PIEZO2: variants seen among roughly 807,000 people sequenced by gnomAD.
PIEZO2 encodes the protein piezo type mechanosensitive ion channel component 2, also known as piezo-type mechanosensitive ion channel component 2.
Under a neutral mutation model 337.3 loss-of-function variants are expected in PIEZO2, and 172 were observed. That is an observed-to-expected ratio of 0.51 (90% CI 0.45 to 0.58). PIEZO2 has a LOEUF of 0.58. Among genes scored for constraint, PIEZO2 ranks in the 20% least tolerant of loss-of-function variants. The probability of loss-of-function intolerance (pLI) is 0.00; values close to 1 mark genes in which losing one functional copy is unlikely to be tolerated. For synonymous variants in PIEZO2, 1,251 were observed against 1,228.5 expected, an observed-to-expected ratio of 1.02 and a Z score of -0.38; for missense variants, 3,028 against 3,391.3, an observed-to-expected ratio of 0.89 and a Z score of 2.66.
intron 7 of PIEZO2, among the ~76,000 whole-genome samples, chr18:10,817,951 A>T (rs2040412286): frequency 6.6e-6 from 1 of 151,932 alleles, no homozygotes; most frequent in Non-Finnish European, 1.5e-5. Context: ...AGGACTTTAC[A>T]ATGTTTCTAA....
chr18:10,686,309 T>G (rs2034543502), intron 49 of PIEZO2, among the ~76,000 whole-genome samples: 1 of 152,270 alleles, frequency 6.6e-6, no homozygotes, highest in South Asian at 2.1e-4. Context: ...CATATTTGGC[T>G]TCTTGAATTT....
chr18:11,117,875 C>T (rs1799172631), intron 1 of PIEZO2, among the ~76,000 whole-genome samples: 1 of 152,168 alleles, frequency 6.6e-6, no homozygotes, highest in Non-Finnish European at 1.5e-5. Context: ...GACATTCACA[C>T]TCAAATACAG....
chr18:10,940,166 G>T lies in PIEZO2; in HGVS notation c.287-28938C>A, dbSNP rs1182185476. Among the ~76,000 whole-genome samples the T allele has an allele frequency of 6.6e-6, 1 of 152,076 alleles. No homozygotes were observed. Among genetic ancestry groups the T allele is most frequent in the South Asian group, 2.1e-4 (1 of 4,826 alleles). On this transcript the variant is annotated intron_variant, in intron 3 of 55. Transcript: ENST00000674853. The surrounding 1 kb of genome is among the most constrained non-coding windows in gnomAD (Gnocchi z 5.3). ...CTTTGGCCATCTTTGATTAGCACAC[G>T]AATTTGTTATTTATTAAAATAAATG...
At chr18:11,135,722 A>G (rs1395606137) in intron 1 of PIEZO2, among the ~76,000 whole-genome samples, 1 of 152,086 alleles carries the variant, frequency 6.6e-6, no homozygotes, top group Non-Finnish European at 1.5e-5. Context: ...TAATTTTTGT[A>G]TTTTTAGTAG....
chr18:10,832,990 C>T (rs769237052), intron 7 of PIEZO2, among the ~76,000 whole-genome samples: 6 of 152,236 alleles, frequency 3.9e-5, no homozygotes, highest in Admixed American at 6.5e-5. Flanking sequence ...CCTCACACAG[C>T]TGCTCCCATG....
chr18:10,879,051 T>C (rs907348605), intron 4 of PIEZO2, among the ~76,000 whole-genome samples: 9 of 152,348 alleles, frequency 5.9e-5, no homozygotes, highest in Non-Finnish European at 1.2e-4. Flanking sequence ...ATGTGTTAGC[T>C]AAAGTCAAGA....
At chr18:10,693,495 G>A (rs1435493853) in intron 47 of PIEZO2, among the ~76,000 whole-genome samples, 11 of 151,496 alleles carry the variant, frequency 7.3e-5, no homozygotes, top group African/African-American at 2.4e-4. Context: ...TCAGCCTCCT[G>A]AGTAGCTGGG....
chr18:10,972,668 A>G (rs1316023006), intron 3 of PIEZO2, among the ~76,000 whole-genome samples: 2 of 152,210 alleles, frequency 1.3e-5, no homozygotes, highest in East Asian at 1.9e-4. Flanking sequence ...GAAAAAGACT[A>G]TCATAGAGAA....
At position 11,048,357 on chromosome 18, in the gene PIEZO2, C is replaced by A. The variant is rs574927488; in HGVS notation, c.160+17770G>T. ...ATGGCTCTGGGGCCAAGCGGACTGC[C>A]TGGCCCATTTCAGACACTCAGTAAT... On this transcript the variant is annotated intron_variant, in intron 2 of 55. Transcript: ENST00000674853. The surrounding 1 kb of genome is among the most constrained non-coding windows in gnomAD (Gnocchi z 4.5). Among the ~76,000 whole-genome samples the A allele has an allele frequency of 1.0e-3, 157 of 152,326 alleles. 6 individuals are homozygous for A. The South Asian group carries it at 0.032, about 31-fold the overall frequency.
chr18:10,754,322 C>G (rs1248197929), intron 27 of PIEZO2, among the ~76,000 whole-genome samples: 1 of 152,214 alleles, frequency 6.6e-6, no homozygotes, highest in Non-Finnish European at 1.5e-5. Context: ...TTCCAGAGAT[C>G]CCAGGGTGCT....
chr18:10,763,351 A>G (rs1335446535), intron 21 of PIEZO2: 1 of 465,608 alleles, frequency 2.1e-6, no homozygotes, highest in African/African-American at 2.0e-5. Flanking sequence ...AGCACTGGCT[A>G]AGCTATCAAT....
intron 2 of PIEZO2, among the ~76,000 whole-genome samples, chr18:11,056,822 C>T (rs2077864): frequency 0.12 from 17,636 of 152,070 alleles, 2,352 homozygotes; most frequent in African/African-American, 0.33. Context: ...GGTGCTCCTA[C>T]CCACAAACCT....
At position 10,962,263 on chromosome 18, in the gene PIEZO2, T is replaced by A. The variant is rs2033813231; in HGVS notation, c.286+17272A>T. ...CACTGGCAACAGGTTAAATACGCAA[T>A]CGTAGCCCTTCTCCCATCCATTCTG... On this transcript the variant is annotated intron_variant, in intron 3 of 55. Coordinates refer to ENST00000674853, the MANE Select transcript of PIEZO2 (RefSeq NM_001378183.1). The surrounding 1 kb of genome is among the most constrained non-coding windows in gnomAD (Gnocchi z 4.1). 6.6e-6 allele frequency among the ~76,000 whole-genome samples: 1 copy of A among 152,140 alleles called. No homozygotes were observed. The highest frequency in any genetic ancestry group is 1.5e-5 in the Non-Finnish European group (1 of 68,020).
In PIEZO2 at chr18:10,838,720, T is replaced by C. The variant is rs573890427; in HGVS notation, c.917+16633A>G. ...AGGGAATGTTTATATTCTATGAGTGTTGCAAATTTATGGCCTCTTTCCCAT... is the reference window on the plus strand; with the variant it reads ...AGGGAATGTTTATATTCTATGAGTGCTGCAAATTTATGGCCTCTTTCCCAT... On this transcript the variant is annotated intron_variant, in intron 7 of 55. Transcript: ENST00000674853. Among the ~76,000 whole-genome samples, 9 of 152,268 alleles carry C rather than the reference T, an allele frequency of 5.9e-5. No individual in the cohort carries two copies. In the South Asian group the frequency reaches 1.9e-3, roughly 32 times the overall value.
chr18:10,932,131 C>T (rs2032125313), intron 3 of PIEZO2, among the ~76,000 whole-genome samples: 1 of 152,184 alleles, frequency 6.6e-6, no homozygotes, highest in Admixed American at 6.5e-5. Flanking sequence ...TACAAAACAA[C>T]AATATCATAT....
At chr18:10,700,742 A>T (rs1379663024) in intron 43 of PIEZO2, among the ~76,000 whole-genome samples, 1 of 152,250 alleles carries the variant, frequency 6.6e-6, no homozygotes, top group Admixed American at 6.5e-5. Context: ...TAATACATTT[A>T]TTAATATGTT....
chr18:11,027,409 C>T lies in PIEZO2; in HGVS notation c.160+38718G>A, dbSNP rs957461955. On this transcript the variant is annotated intron_variant, in intron 2 of 55. Coordinates refer to ENST00000674853, the MANE Select transcript of PIEZO2 (RefSeq NM_001378183.1). The surrounding 1 kb of genome is among the most constrained non-coding windows in gnomAD (Gnocchi z 4.2). ...AGAGCAAAGGGGGCACGCTGAGGTG[C>T]GCTAGGAATAAGGTACAAGAGGTTA... is the stretch of plus-strand genomic sequence containing the variant. Among the ~76,000 whole-genome samples, 6 of 152,150 alleles carry T rather than the reference C, an allele frequency of 3.9e-5. No homozygotes were observed. Among genetic ancestry groups the T allele is most frequent in the African/African-American group, 1.4e-4 (6 of 41,508 alleles).
intron 2 of PIEZO2, among the ~76,000 whole-genome samples, chr18:11,059,281 A>G (rs1302008873): frequency 2.0e-5 from 3 of 152,234 alleles, no homozygotes; most frequent in African/African-American, 4.8e-5. Context: ...AGGAACAACC[A>G]GTACCAGCCA....
chr18:11,114,636 G>GTC (rs1001926344), intron 1 of PIEZO2, among the ~76,000 whole-genome samples: 2 of 151,968 alleles, frequency 1.3e-5, no homozygotes, highest in African/African-American at 4.8e-5. Context: ...CTGCACTCCA[G>GTC]CCTGGGCAAC....
Sources: gnomAD v4.1 joint callset for allele counts (sites outside exome capture counted in the v4.1 genomes callset) on GRCh38, gnomAD v4.1.1 for gene constraint, Gnocchi (gnomAD v3.1) non-coding constraint, MANE v1.5 for transcripts, NCBI Gene and HGNC (gene_info 2026-07-23, HGNC 2026-07-21) for gene names.